NRXN3: variants seen among roughly 807,000 people sequenced by gnomAD.
NRXN3 encodes the protein neurexin III.
Under a neutral mutation model 137.6 loss-of-function variants are expected in NRXN3, and 32 were observed. The observed-to-expected ratio is 0.23, with a 90% CI of 0.18 to 0.31. The LOEUF (loss-of-function observed/expected upper bound fraction) is 0.31. Among genes scored for constraint, NRXN3 ranks in the 10% least tolerant of loss-of-function variants. The probability of loss-of-function intolerance (pLI) is 1.00; values close to 1 mark genes in which losing one functional copy is unlikely to be tolerated. For synonymous variants in NRXN3, 798 were observed against 784.5 expected, an observed-to-expected ratio of 1.02 and a Z score of -0.29; for missense variants, 1,574 against 2,062.5, an observed-to-expected ratio of 0.76 and a Z score of 4.59.
intron 15 of NRXN3, among the ~76,000 whole-genome samples, chr14:79,358,619 A>G (rs1255217982): frequency 3.7e-5 from 5 of 136,616 alleles, no homozygotes. Context: ...GAAAGAAAGA[A>G]AGAAAGAAAG....
rs958588909 is a variant in NRXN3, at chr14:78,569,572, AT to A, written c.758-75539del. On this transcript the variant is annotated intron_variant, in intron 4 of 20. Transcript: ENST00000335750. ...GAGCCACCGCGTCCGGCCGCCTTTT[AT>A]TTTTTTTTGAGATGGAGTCTCCCTC... Among the ~76,000 whole-genome samples, 10 of 132,182 alleles carry A rather than the reference AT, an allele frequency of 7.6e-5. No individual in the cohort carries two copies. The South Asian group carries it at 2.2e-3, about 29-fold the overall frequency. 86.7% of individuals were successfully genotyped at this position (132,182 alleles called of 152,430 possible). A position where few individuals can be genotyped will look rare whatever the true frequency, so the allele number is the denominator to read the frequency against.
intron 4 of NRXN3, among the ~76,000 whole-genome samples, chr14:78,565,137 T>C (rs992193243): frequency 6.6e-6 from 1 of 152,228 alleles, no homozygotes; most frequent in Non-Finnish European, 1.5e-5. Context: ...TCCTTGAACA[T>C]TGAAGATGCT....
chr14:78,871,078 C>A (rs1015287425), intron 10 of NRXN3, among the ~76,000 whole-genome samples: 1 of 146,994 alleles, frequency 6.8e-6, no homozygotes, highest in African/African-American at 2.5e-5. Flanking sequence ...GATATATACC[C>A]AGAAGTGGCA....
At chr14:78,707,815 C>G (rs980525436) in intron 6 of NRXN3, among the ~76,000 whole-genome samples, 3 of 152,150 alleles carry the variant, frequency 2.0e-5, no homozygotes, top group Non-Finnish European at 4.4e-5. Context: ...TTCGGTTTTC[C>G]ATTCCTGAGT....
chr14:79,526,919 A>G (rs141073088), intron 16 of NRXN3, among the ~76,000 whole-genome samples: 2 of 152,324 alleles, frequency 1.3e-5, no homozygotes, highest in African/African-American at 4.8e-5. Context: ...GCCACAGTTT[A>G]AGACAGCAAA....
At chr14:78,434,552 A>G (rs1307380874) in intron 4 of NRXN3, among the ~76,000 whole-genome samples, 8 of 152,116 alleles carry the variant, frequency 5.3e-5, no homozygotes, top group Non-Finnish European at 8.8e-5. Flanking sequence ...AACTCATAGC[A>G]CCATATATCA....
intron 11 of NRXN3, among the ~76,000 whole-genome samples, chr14:78,961,639 C>T (rs952999197): frequency 6.6e-6 from 1 of 152,184 alleles, no homozygotes; most frequent in Non-Finnish European, 1.5e-5. Context: ...ACCCTGCTAA[C>T]TTCATATCCG....
chr14:79,859,030 G>T (rs936199587), intron 20 of NRXN3, among the ~76,000 whole-genome samples: 1 of 148,900 alleles, frequency 6.7e-6, no homozygotes, highest in South Asian at 2.1e-4. Flanking sequence ...TACAGTAAGT[G>T]TGAATCTTTG....
chr14:78,338,692 T>C (rs1408081323), intron 4 of NRXN3, among the ~76,000 whole-genome samples: 1 of 152,210 alleles, frequency 6.6e-6, no homozygotes, highest in Non-Finnish European at 1.5e-5. Flanking sequence ...ATAACAACAA[T>C]TTATTTTTCG....
intron 4 of NRXN3, among the ~76,000 whole-genome samples, chr14:78,528,596 T>C (rs1014892712): frequency 6.6e-6 from 1 of 152,032 alleles, no homozygotes. Flanking sequence ...AGTACCTAGA[T>C]TGAGATTTTG....
chr14:79,622,798 G>T (rs923149426), intron 16 of NRXN3, among the ~76,000 whole-genome samples: 2 of 152,124 alleles, frequency 1.3e-5, no homozygotes, highest in Non-Finnish European at 2.9e-5. Flanking sequence ...GGGTTTCACC[G>T]TGTTAGCCAG....
Position 78,527,516 on chromosome 14 carries a change from A to T in NRXN3, c.758-117604A>T, listed in dbSNP as rs541892002. Among the ~76,000 whole-genome samples the T allele has an allele frequency of 2.3e-3, 355 of 152,234 alleles. 4 individuals carry two copies. The highest frequency in any genetic ancestry group is 5.3e-3 in the Admixed American group (81 of 15,286). On this transcript the variant is annotated intron_variant, in intron 4 of 20. Transcript: ENST00000335750. ...CCAGGACCCACCTCCAGCACTGGGG[A>T]TTACAATTGAGCTTGAGATTTGGGT...
chr14:78,617,929 AATT>A (rs2097362884), intron 4 of NRXN3, among the ~76,000 whole-genome samples: 1 of 148,418 alleles, frequency 6.7e-6, no homozygotes, highest in Non-Finnish European at 1.5e-5. Flanking sequence ...CAAAAACCGC[AATT>A]ACTTTTGCAC....
intron 15 of NRXN3, among the ~76,000 whole-genome samples, chr14:79,462,818 AATAT>A (rs72193878): frequency 1.3e-5 from 1 of 78,284 alleles, no homozygotes; most frequent in African/African-American, 5.9e-5. Flanking sequence ...CACATAGACA[AATAT>A]ATATATGCTT....
At chr14:78,530,450 T>C (rs910215305) in intron 4 of NRXN3, among the ~76,000 whole-genome samples, 30 of 152,330 alleles carry the variant, frequency 2.0e-4, no homozygotes, top group African/African-American at 7.2e-4. Context: ...GCACTTAGGC[T>C]TCTACAAGTT....
chr14:78,990,361 ATTTTTTTTTTTTT>A (rs1163720240), intron 15 of NRXN3, among the ~76,000 whole-genome samples: 1 of 76,070 alleles, frequency 1.3e-5, no homozygotes, highest in African/African-American at 5.4e-5. Flanking sequence ...GTTCACATCT[ATTTTTTTTTTTTT>A]TTTTTTTTTT....
intron 4 of NRXN3, among the ~76,000 whole-genome samples, chr14:78,606,541 CACTT>C (rs1189344453): frequency 6.6e-6 from 1 of 152,226 alleles, no homozygotes; most frequent in African/African-American, 2.4e-5. Flanking sequence ...TTTAAATAAA[CACTT>C]ACGGTCTCTC....
intron 15 of NRXN3, among the ~76,000 whole-genome samples, chr14:79,229,418 G>A (rs890970652): frequency 7.2e-5 from 11 of 152,164 alleles, no homozygotes; most frequent in African/African-American, 2.7e-4. Flanking sequence ...TCAGTGTAAA[G>A]TGCCATCCAA....
At chr14:78,883,886 A>G (rs1469545556) in intron 10 of NRXN3, among the ~76,000 whole-genome samples, 1 of 152,182 alleles carries the variant, frequency 6.6e-6, no homozygotes. Flanking sequence ...CTTTTAATAC[A>G]TGGTAAGTAT....
Sources: allele counts gnomAD v4.1 joint callset (sites outside exome capture counted in the v4.1 genomes callset), GRCh38; gene constraint gnomAD v4.1.1; transcripts MANE v1.5; gene names NCBI Gene and HGNC (gene_info 2026-07-23, HGNC 2026-07-21).